The following FRMD4A variants were observed in gnomAD, a reference collection of about 807,000 sequenced individuals.
The protein encoded by FRMD4A is FERM domain-containing protein 4A.
Under a neutral mutation model 129.1 loss-of-function variants are expected in FRMD4A, and 29 were observed. The ratio of observed to expected loss-of-function variants is 0.22; its 90% CI spans 0.17 to 0.31. FRMD4A has a LOEUF of 0.31. Among genes scored for constraint, FRMD4A ranks in the 10% least tolerant of loss-of-function variants. FRMD4A has a pLI of 1.00. For missense variants in FRMD4A, 1,272 were observed against 1,375.8 expected, an observed-to-expected ratio of 0.92 and a Z score of 1.19; for synonymous variants, 634 against 571.6, an observed-to-expected ratio of 1.11 and a Z score of -1.56.
chr10:14,064,798 G>A (rs890046290), intron 2 of FRMD4A, among the ~76,000 whole-genome samples: 63 of 152,188 alleles, frequency 4.1e-4, no homozygotes, highest in Admixed American at 4.1e-3. Flanking sequence ...GGATGGTCTT[G>A]AACTCTTGAT....
chr10:13,798,017 G>A (rs987752762), intron 4 of FRMD4A, among the ~76,000 whole-genome samples: 2 of 152,028 alleles, frequency 1.3e-5, no homozygotes, highest in Non-Finnish European at 1.5e-5. Context: ...AAGAACTTTG[G>A]CCTGTTTTTC....
At chr10:14,245,569 T>C (rs1844205162) in intron 2 of FRMD4A, among the ~76,000 whole-genome samples, 2 of 152,036 alleles carry the variant, frequency 1.3e-5, no homozygotes, top group Non-Finnish European at 2.9e-5. Context: ...CCTCAGAACG[T>C]GAATGTATTT....
chr10:13,791,402 GGT>G lies in FRMD4A; in HGVS notation c.299+5092_299+5093del, dbSNP rs3032915. Among the ~76,000 whole-genome samples the G allele has an allele frequency of 7.4e-4, 111 of 150,024 alleles. 2 individuals carry two copies. Among genetic ancestry groups the G allele is most frequent in the South Asian group, 2.8e-3 (13 of 4,714 alleles). ...CAGAAGCTCGGGGGTAGAAATAAAA[GGT>G]GTGTGTGTGTGTGTGGCAGGACCAG... is the stretch of plus-strand genomic sequence containing the variant. On this transcript the variant is annotated intron_variant, in intron 5 of 24. Coordinates refer to ENST00000357447, the MANE Select transcript of FRMD4A (RefSeq NM_018027.5).
intron 3 of FRMD4A, among the ~76,000 whole-genome samples, chr10:13,812,508 G>C (rs2093466539): frequency 6.6e-6 from 1 of 152,246 alleles, no homozygotes; most frequent in African/African-American, 2.4e-5. Context: ...TGCCTACTAT[G>C]TACAGGGCAC....
At chr10:13,814,655 G>GACAGAA (rs1352618130) in intron 3 of FRMD4A, among the ~76,000 whole-genome samples, 1 of 142,770 alleles carries the variant, frequency 7.0e-6, no homozygotes, top group Non-Finnish European at 1.5e-5. Context: ...AAGAAAGAGA[G>GACAGAA]ACAGAAACAG....
chr10:13,887,209 C>G (rs536568398), intron 2 of FRMD4A, among the ~76,000 whole-genome samples: 1 of 152,146 alleles, frequency 6.6e-6, no homozygotes, highest in Non-Finnish European at 1.5e-5. Flanking sequence ...GAGACTACCA[C>G]TCATTTCTTC....
chr10:13,685,390 T>A, intron 15 of FRMD4A: 1 of 984,840 alleles, frequency 1.0e-6, no homozygotes, highest in Non-Finnish European at 1.2e-6. Context: ...TAACTGAACA[T>A]TCATTTTAAA....
intron 2 of FRMD4A, among the ~76,000 whole-genome samples, chr10:13,977,654 T>C (rs1285908812): frequency 6.6e-6 from 1 of 152,240 alleles, no homozygotes; most frequent in East Asian, 1.9e-4. Flanking sequence ...GCTGTCATTG[T>C]CATTCCCCAT....
At chr10:14,111,384 A>G (rs944853991) in intron 2 of FRMD4A, among the ~76,000 whole-genome samples, 2 of 152,192 alleles carry the variant, frequency 1.3e-5, no homozygotes, top group Non-Finnish European at 2.9e-5. Context: ...ATCCACTGAG[A>G]ATGATGAAAT....
At chr10:14,197,510 G>A (rs1008172637) in intron 2 of FRMD4A, among the ~76,000 whole-genome samples, 1 of 152,040 alleles carries the variant, frequency 6.6e-6, no homozygotes, top group Non-Finnish European at 1.5e-5. Context: ...ACAGGCGTCC[G>A]CCATCAGGCC....
At position 13,997,624 on chromosome 10, in the gene FRMD4A, CTTTT is replaced by C. The variant is rs775846641; in HGVS notation, c.46-138716_46-138713del. 3.5e-5 allele frequency among the ~76,000 whole-genome samples: 3 copies of C among 86,150 alleles called. No homozygotes were observed. The Admixed American group carries it at 4.0e-4, about 12-fold the overall frequency. 56.5% of individuals were successfully genotyped at this position (86,150 alleles called of 152,430 possible). The stretch of plus-strand genomic sequence containing the variant: ...CATGGCAATTCTTTTCTTTTCTTTT[CTTTT>C]TTTTTTTTTTTTGAGATAATATCTT... On this transcript the variant is annotated intron_variant, in intron 2 of 24. Transcript: ENST00000357447.
intron 2 of FRMD4A, among the ~76,000 whole-genome samples, chr10:14,002,054 A>G (rs1431169180): frequency 6.6e-6 from 1 of 152,200 alleles, no homozygotes; most frequent in Non-Finnish European, 1.5e-5. Context: ...GACTGGCAAG[A>G]CGTCAACCTG....
chr10:13,938,851 C>T (rs746033822), intron 2 of FRMD4A, among the ~76,000 whole-genome samples: 8 of 152,148 alleles, frequency 5.3e-5, no homozygotes, highest in Non-Finnish European at 8.8e-5. Context: ...CCTCCCCAAC[C>T]TCCAACAGAG....
At chr10:13,902,433 A>C (rs1293649012) in intron 2 of FRMD4A, among the ~76,000 whole-genome samples, 3 of 144,002 alleles carry the variant, frequency 2.1e-5, no homozygotes, top group African/African-American at 7.7e-5. Flanking sequence ...GACTTATGGA[A>C]ATTGATGGTT....
chr10:14,322,973 A>G (rs1843122342), intron 2 of FRMD4A, among the ~76,000 whole-genome samples: 1 of 152,234 alleles, frequency 6.6e-6, no homozygotes, highest in African/African-American at 2.4e-5. Context: ...CAGAGAGAAC[A>G]TATTGCAGCC....
At position 14,045,372 on chromosome 10, in the gene FRMD4A, C is replaced by G. The variant is rs1833944756; in HGVS notation, c.46-186460G>C. On this transcript the variant is annotated intron_variant, in intron 2 of 24. Coordinates refer to ENST00000357447, the MANE Select transcript of FRMD4A (RefSeq NM_018027.5). Reference sequence around the variant, plus strand: ...TTTCAAGGTGTTCAGATGCCACTGTCTTCATGAAGCTTTCCCTAGGTTCAG... The same window carrying G: ...TTTCAAGGTGTTCAGATGCCACTGTGTTCATGAAGCTTTCCCTAGGTTCAG... Among the ~76,000 whole-genome samples, 2 of 152,106 alleles carry G rather than the reference C, an allele frequency of 1.3e-5. 1 individual carries two copies. Among genetic ancestry groups the G allele is most frequent in the South Asian group, 4.2e-4 (2 of 4,818 alleles).
At chr10:13,938,946 G>A (rs1008862112) in intron 2 of FRMD4A, among the ~76,000 whole-genome samples, 55 of 152,146 alleles carry the variant, frequency 3.6e-4, no homozygotes, top group African/African-American at 1.3e-3. Context: ...TCACAACCTG[G>A]AAGGCGCTAC....
chr10:14,004,297 C>T (rs573216830), intron 2 of FRMD4A, among the ~76,000 whole-genome samples: 47 of 152,316 alleles, frequency 3.1e-4, no homozygotes, highest in Admixed American at 1.2e-3. Flanking sequence ...AATCTCAGCA[C>T]TTTGGGAGGC....
chr10:14,165,417 A>G (rs1841121527), intron 2 of FRMD4A, among the ~76,000 whole-genome samples: 1 of 152,240 alleles, frequency 6.6e-6, no homozygotes, highest in African/African-American at 2.4e-5. Context: ...GTTAGTGGGA[A>G]AGTGTATTAG....
Sources: gnomAD v4.1 joint callset for allele counts (sites outside exome capture counted in the v4.1 genomes callset) on GRCh38, gnomAD v4.1.1 for gene constraint, MANE v1.5 for transcripts, NCBI Gene and HGNC (gene_info 2026-07-23, HGNC 2026-07-21) for gene names.